FGF12: variants seen among roughly 807,000 people sequenced by gnomAD.
FGF12 encodes the protein fibroblast growth factor 12B.
A neutral mutation model predicts 23.6 loss-of-function variants in FGF12; 14 were observed. That is an observed-to-expected ratio of 0.59 (90% CI 0.39 to 0.93). FGF12 has a LOEUF of 0.93. Ranked by LOEUF, FGF12 falls within the 40% of genes least tolerant of loss-of-function variation. The pLI, the probability that FGF12 is intolerant of heterozygous loss-of-function variation, is 0.00. For synonymous variants in FGF12, 62 were observed against 77.3 expected (o/e 0.80, Z 1.04); for missense variants, 175 against 217.8 (o/e 0.80, Z 1.24).
intron 4 of FGF12, among the ~76,000 whole-genome samples, chr3:192,275,518 C>T (rs906784854): frequency 1.2e-4 from 19 of 152,124 alleles, no homozygotes; most frequent in Admixed American, 9.8e-4. Context: ...GATCTTCAAA[C>T]TAAAATCTGT....
rs1721132246 is a variant in FGF12 at position 192,409,831 on chromosome 3, T to A, written c.14-49293A>T. Among the ~76,000 whole-genome samples, 1 of 151,598 alleles carries A rather than the reference T, an allele frequency of 6.6e-6. No individual in the cohort carries two copies. The highest frequency in any genetic ancestry group is 1.5e-5 in the Non-Finnish European group (1 of 67,858). On this transcript the variant is annotated intron_variant, in intron 2 of 5. Coordinates refer to ENST00000445105, the MANE Select transcript of FGF12 (RefSeq NM_004113.6). The surrounding 1 kb of genome is among the most constrained non-coding windows in gnomAD (Gnocchi z 4.8). ...TCAGGGGCCGGGGCCAGGAGGCAGG[T>A]GCAGGCGGCTGCCAACTCGCCCAAC... is the stretch of plus-strand genomic sequence containing the variant.
chr3:192,462,060 T>C (rs978177058), intron 2 of FGF12, among the ~76,000 whole-genome samples: 3 of 151,824 alleles, frequency 2.0e-5, no homozygotes, highest in Admixed American at 6.6e-5. Context: ...AAATAAAATA[T>C]ATGGCTTGTT....
At chr3:192,569,576 T>C (rs1172615838) in intron 2 of FGF12, among the ~76,000 whole-genome samples, 1 of 152,212 alleles carries the variant, frequency 6.6e-6, no homozygotes, top group Non-Finnish European at 1.5e-5. Flanking sequence ...GGAAAGATAA[T>C]GTCCAAAATT....
At chr3:192,307,378 TATCAGAG>T (rs1320355924) in intron 4 of FGF12, among the ~76,000 whole-genome samples, 9 of 152,356 alleles carry the variant, frequency 5.9e-5, no homozygotes, top group African/African-American at 2.2e-4. Flanking sequence ...GAAGTTCTAA[TATCAGAG>T]ATAGCAGCAA....
intron 2 of FGF12, among the ~76,000 whole-genome samples, chr3:192,707,530 G>A (rs1395944268): frequency 2.0e-5 from 3 of 151,964 alleles, no homozygotes; most frequent in South Asian, 2.1e-4. Context: ...AATGAATCAC[G>A]AGGTCAGGAG....
intron 2 of FGF12, among the ~76,000 whole-genome samples, chr3:192,544,807 T>G (rs1272169233): frequency 2.2e-4 from 33 of 152,180 alleles, no homozygotes; most frequent in Admixed American, 2.0e-3. Context: ...CCACACAAGT[T>G]GTATAAGCTT....
intron 4 of FGF12, among the ~76,000 whole-genome samples, chr3:192,236,265 G>T (rs988571751): frequency 6.6e-6 from 1 of 152,042 alleles, no homozygotes; most frequent in African/African-American, 2.4e-5. Context: ...ATAGAGAATT[G>T]CTATATGGCC....
chr3:192,544,287 T>A (rs987285645), intron 2 of FGF12, among the ~76,000 whole-genome samples: 2 of 152,196 alleles, frequency 1.3e-5, no homozygotes, highest in Non-Finnish European at 2.9e-5. Flanking sequence ...TTCAAGGCTC[T>A]CTTTTCCACC....
intron 4 of FGF12, among the ~76,000 whole-genome samples, chr3:192,172,870 T>C (rs1001682002): frequency 2.0e-5 from 3 of 151,076 alleles, no homozygotes; most frequent in Non-Finnish European, 4.4e-5. Context: ...ATTCATAATG[T>C]GGAAACAACC....
At chr3:192,555,805 A>G (rs1473546555) in intron 2 of FGF12, among the ~76,000 whole-genome samples, 1 of 151,840 alleles carries the variant, frequency 6.6e-6, no homozygotes, top group African/African-American at 2.4e-5. Flanking sequence ...TCTCGGGGAA[A>G]AAAAAAAAAG....
chr3:192,573,655 T>TAAAA (rs1374037480), intron 2 of FGF12, among the ~76,000 whole-genome samples: 12 of 151,770 alleles, frequency 7.9e-5, no homozygotes, highest in African/African-American at 2.7e-4. Flanking sequence ...AATAAATAAA[T>TAAAA]AAAAATCTCC....
chr3:192,726,380 A>G (rs1411956890), intron 2 of FGF12, among the ~76,000 whole-genome samples: 1 of 152,154 alleles, frequency 6.6e-6, no homozygotes, highest in Non-Finnish European at 1.5e-5. Context: ...TTTTAAGGAG[A>G]AGGAGAAACA....
chr3:192,186,272 G>A (rs1292826491), intron 4 of FGF12, among the ~76,000 whole-genome samples: 1 of 152,210 alleles, frequency 6.6e-6, no homozygotes, highest in African/African-American at 2.4e-5. Flanking sequence ...AATACTTTGA[G>A]AATTACATGT....
chr3:192,507,182 G>A (rs988469707), intron 2 of FGF12, among the ~76,000 whole-genome samples: 1 of 152,136 alleles, frequency 6.6e-6, no homozygotes, highest in Non-Finnish European at 1.5e-5. Context: ...GTGAGCCACT[G>A]TGCCCGGCCA....
chr3:192,601,700 G>T (rs1480190107), intron 2 of FGF12, among the ~76,000 whole-genome samples: 4 of 152,116 alleles, frequency 2.6e-5, no homozygotes, highest in Admixed American at 2.6e-4. Context: ...CTGGGGGACT[G>T]GTTCCAGAAC....
chr3:192,425,682 G>A (rs1262939818), intron 2 of FGF12, among the ~76,000 whole-genome samples: 2 of 152,152 alleles, frequency 1.3e-5, no homozygotes, highest in Non-Finnish European at 2.9e-5. Flanking sequence ...AATCACTAGC[G>A]AATAGAATGC....
chr3:192,353,038 G>T (rs1002863428), intron 3 of FGF12, among the ~76,000 whole-genome samples: 3 of 152,146 alleles, frequency 2.0e-5, no homozygotes, highest in Non-Finnish European at 4.4e-5. Flanking sequence ...TATATCAGAA[G>T]TAAATAAAAG....
intron 3 of FGF12, among the ~76,000 whole-genome samples, chr3:192,349,833 G>T (rs1004521452): frequency 1.3e-5 from 2 of 151,984 alleles, no homozygotes; most frequent in South Asian, 4.2e-4. Flanking sequence ...GCATTGTCAC[G>T]CAAAGTCATA....
intron 2 of FGF12, among the ~76,000 whole-genome samples, chr3:192,716,408 C>T (rs1280273245): frequency 2.6e-5 from 4 of 152,122 alleles, no homozygotes; most frequent in African/African-American, 9.7e-5. Context: ...AATAGTAAAA[C>T]TATGATTTAA....
Sources: allele counts gnomAD v4.1 joint callset (sites outside exome capture counted in the v4.1 genomes callset), GRCh38; gene constraint gnomAD v4.1.1; non-coding constraint Gnocchi (gnomAD v3.1); transcripts MANE v1.5; gene names NCBI Gene and HGNC (gene_info 2026-07-23, HGNC 2026-07-21).